Variants in CAMK2D observed in about 807,000 individuals in gnomAD.
The protein encoded by CAMK2D is calcium/calmodulin-dependent protein kinase type II subunit delta.
In CAMK2D, 37 loss-of-function variants were observed where a neutral mutation model predicts 84.0. The observed-to-expected ratio is 0.44, with a 90% CI of 0.34 to 0.58. CAMK2D has a LOEUF of 0.58. CAMK2D is among the 20% of genes least tolerant of loss of function. The probability of loss-of-function intolerance (pLI) is 0.02; values close to 1 mark genes in which losing one functional copy is unlikely to be tolerated. For synonymous variants in CAMK2D, 202 were observed against 212.5 expected (o/e 0.95, Z 0.43); for missense variants, 448 against 652.5 (o/e 0.69, Z 3.41).
chr4:113,471,729 C>T (rs779357554), intron 16 of CAMK2D, among the ~76,000 whole-genome samples: 10 of 152,202 alleles, frequency 6.6e-5, no homozygotes, highest in South Asian at 2.1e-4. Flanking sequence ...TCTCCCACAC[C>T]GGCCTCTCTC....
intron 3 of CAMK2D, among the ~76,000 whole-genome samples, chr4:113,658,059 C>T (rs962229707): frequency 6.6e-6 from 1 of 152,062 alleles, no homozygotes; most frequent in Non-Finnish European, 1.5e-5. Context: ...TTAACTAGTG[C>T]GATGATCGAC....
At chr4:113,696,134 T>C (rs1424887750) in intron 2 of CAMK2D, among the ~76,000 whole-genome samples, 1 of 151,700 alleles carries the variant, frequency 6.6e-6, no homozygotes, top group Non-Finnish European at 1.5e-5. Context: ...AGGTCTTTGC[T>C]AAGCCATCAT....
At chr4:113,639,841 CT>C (rs144796101) in intron 3 of CAMK2D, among the ~76,000 whole-genome samples, 7,003 of 152,010 alleles carry the variant, frequency 0.046, 551 homozygotes, top group African/African-American at 0.16. Flanking sequence ...AGAATTTAGC[CT>C]GATAAATTAG....
intron 2 of CAMK2D, among the ~76,000 whole-genome samples, chr4:113,677,780 A>G (rs2099324832): frequency 6.6e-6 from 1 of 152,142 alleles, no homozygotes; most frequent in Non-Finnish European, 1.5e-5. Context: ...TAAAGAGATA[A>G]GTCAGTCAAG....
chr4:113,698,124 C>T (rs964341154), intron 2 of CAMK2D, among the ~76,000 whole-genome samples: 3 of 152,090 alleles, frequency 2.0e-5, no homozygotes, highest in Admixed American at 6.6e-5. Flanking sequence ...TCATCTAGCA[C>T]GAAGCCTATT....
chr4:113,494,967 C>T (rs1018208176), intron 16 of CAMK2D, among the ~76,000 whole-genome samples: 1 of 152,218 alleles, frequency 6.6e-6, no homozygotes, highest in African/African-American at 2.4e-5. Context: ...CTTGCGCTTC[C>T]CAAGTGAGGC....
At chr4:113,704,066 T>C (rs2099431598) in intron 2 of CAMK2D, among the ~76,000 whole-genome samples, 1 of 152,046 alleles carries the variant, frequency 6.6e-6, no homozygotes, top group African/African-American at 2.4e-5. Context: ...TGATATAAAG[T>C]AGCCTTAGAA....
At chr4:113,736,539 G>A (rs931274340) in intron 2 of CAMK2D, among the ~76,000 whole-genome samples, 2 of 152,104 alleles carry the variant, frequency 1.3e-5, no homozygotes, top group Non-Finnish European at 2.9e-5. Flanking sequence ...GCAATGGCAC[G>A]TATTCCACAT....
At chr4:113,571,617 T>A (rs1176285557) in intron 4 of CAMK2D, among the ~76,000 whole-genome samples, 1 of 152,226 alleles carries the variant, frequency 6.6e-6, no homozygotes, top group Non-Finnish European at 1.5e-5. Flanking sequence ...CTCACGCCTG[T>A]AATCCCAGCA....
intron 6 of CAMK2D, among the ~76,000 whole-genome samples, chr4:113,545,919 T>C (rs2098564562): frequency 6.6e-6 from 1 of 152,210 alleles, no homozygotes; most frequent in East Asian, 1.9e-4. Context: ...GCTTAAGTTT[T>C]TAATTAGTGA....
At chr4:113,643,910 C>CA (rs771386658) in intron 3 of CAMK2D, among the ~76,000 whole-genome samples, 3 of 152,162 alleles carry the variant, frequency 2.0e-5, no homozygotes, top group Non-Finnish European at 2.9e-5. Context: ...GCCAGCTTTA[C>CA]AAGTGAAAAA....
chr4:113,688,098 C>G (rs1172783768), intron 2 of CAMK2D, among the ~76,000 whole-genome samples: 1 of 152,132 alleles, frequency 6.6e-6, no homozygotes, highest in African/African-American at 2.4e-5. Context: ...TCTGAAAAGG[C>G]CTTCCAGAAA....
intron 4 of CAMK2D, among the ~76,000 whole-genome samples, chr4:113,578,198 G>A (rs570422479): frequency 1.3e-5 from 2 of 152,270 alleles, no homozygotes; most frequent in African/African-American, 4.8e-5. Context: ...GCAATGAAAT[G>A]TCCATTCAAT....
intron 16 of CAMK2D, among the ~76,000 whole-genome samples, chr4:113,473,922 G>A (rs192894483): frequency 3.0e-3 from 460 of 151,886 alleles, no homozygotes; most frequent in Non-Finnish European, 4.6e-3. Flanking sequence ...ACCTTTGACC[G>A]GAAATGGAAA....
chr4:113,538,697 T>G (rs1221070705), intron 6 of CAMK2D, among the ~76,000 whole-genome samples: 2 of 152,234 alleles, frequency 1.3e-5, no homozygotes, highest in African/African-American at 4.8e-5. Flanking sequence ...GTTTTGACCT[T>G]GTGTAAACAC....
At chr4:113,537,878 C>G (rs17046197) in intron 6 of CAMK2D, among the ~76,000 whole-genome samples, 1,929 of 152,270 alleles carry the variant, frequency 0.013, 41 homozygotes, top group African/African-American at 0.044. Context: ...GCAAATGAAA[C>G]TGTGCAAATT....
intron 3 of CAMK2D, among the ~76,000 whole-genome samples, chr4:113,649,079 G>T (rs963514730): frequency 2.0e-5 from 3 of 152,106 alleles, no homozygotes; most frequent in Non-Finnish European, 4.4e-5. Flanking sequence ...CAAGTTAATT[G>T]TTGCTCAAGA....
intron 16 of CAMK2D, among the ~76,000 whole-genome samples, chr4:113,494,343 A>C (rs2097893460): frequency 6.6e-6 from 1 of 152,128 alleles, no homozygotes; most frequent in South Asian, 2.1e-4. Context: ...TCTGTTTGTT[A>C]GTTTTCCTTC....
intron 3 of CAMK2D, among the ~76,000 whole-genome samples, chr4:113,623,321 T>G (rs2099054135): frequency 6.6e-6 from 1 of 152,086 alleles, no homozygotes; most frequent in African/African-American, 2.4e-5. Context: ...ATAAAGTATT[T>G]TGTAAATAAG....
Sources: gnomAD v4.1 joint callset for allele counts (sites outside exome capture counted in the v4.1 genomes callset) on GRCh38, gnomAD v4.1.1 for gene constraint, MANE v1.5 for transcripts, NCBI Gene and HGNC (gene_info 2026-07-23, HGNC 2026-07-21) for gene names.